LDB1: variants seen among roughly 807,000 people sequenced by gnomAD.
LDB1 encodes the protein LIM domain-binding protein 1.
In LDB1, 6 loss-of-function variants were observed where a neutral mutation model predicts 49.7. The ratio of observed to expected loss-of-function variants is 0.12; its 90% CI spans 0.07 to 0.24. LDB1 has a LOEUF of 0.24. Ranked by LOEUF, LDB1 falls within the 10% of genes least tolerant of loss-of-function variation. LDB1 has a pLI of 1.00. For synonymous variants in LDB1, 233 were observed against 202.0 expected (o/e 1.15, Z -1.30); for missense variants, 341 against 561.7 (o/e 0.61, Z 3.97).
At chr10:102,110,192 A>AC (rs1469487229) in intron 6 of LDB1, 149 bp from the exon 7 acceptor site, 1 of 846,870 alleles carries the variant, frequency 1.2e-6, no homozygotes, top group Non-Finnish European at 1.8e-6. Flanking sequence ...ATGTCACAGT[A>AC]CCCCCCACCC....
downstream of LDB1, among the ~76,000 whole-genome samples, chr10:102,105,559 C>T (rs1184550248): frequency 6.6e-6 from 1 of 152,012 alleles, no homozygotes; most frequent in Non-Finnish European, 1.5e-5. Context: ...AAGACCCCAT[C>T]TCCAATCTAC....
intron 1 of LDB1, chr10:102,114,705 T>C: frequency 3.7e-6 from 3 of 808,030 alleles, no homozygotes; most frequent in Non-Finnish European, 4.5e-6. Context: ...GAGCCTTCTT[T>C]GTTTGCAAGG....
intron 1 of LDB1, among the ~76,000 whole-genome samples, chr10:102,112,645 C>A (rs1036417348): frequency 6.6e-6 from 1 of 150,774 alleles, no homozygotes; most frequent in African/African-American, 2.4e-5. Flanking sequence ...AACCAGAAAC[C>A]CAAAGCCTCA....
chr10:102,110,797 A>G lies in LDB1; in HGVS notation c.352+72T>C, dbSNP rs976403198. On this transcript the variant is annotated intron_variant, in intron 5 of 10. Coordinates refer to ENST00000673968, the MANE Select transcript of LDB1 (RefSeq NM_001113407.3). ...AATCTAGATATCCCCTGGCACTCCC[A>G]GACCCACTTCTAGACCTTAGAACGA... 7 of 1,582,242 alleles carry G rather than the reference A, an allele frequency of 4.4e-6. No individual in the cohort carries two copies. In the Admixed American group the frequency reaches 6.7e-5, roughly 15 times the overall value.
chr10:102,110,128 A>C (rs1461281297), intron 6 of LDB1, 85 bp from the exon 7 acceptor site: 16 of 1,452,394 alleles, frequency 1.1e-5, no homozygotes, highest in Non-Finnish European at 9.4e-7. Flanking sequence ...ATTTGCTTAC[A>C]ACTCTCCCAT....
At position 102,109,678 on chromosome 10, in the gene LDB1, T is replaced by C. The variant is rs373832021; in HGVS notation, c.654A>G (p.Gln218=). 2 of 1,613,926 alleles carry C rather than the reference T, an allele frequency of 1.2e-6. No homozygotes were observed. Among genetic ancestry groups the C allele is most frequent in the Non-Finnish European group, 1.7e-6 (2 of 1,179,958 alleles). ...AGAGCTGATCCAACATCTGGGGGTC[T>C]TGGGCCTAGAGTGGGAGAAAAGACA... is the stretch of plus-strand genomic sequence containing the variant. ...IPRSILAMHA[Q]DPQMLDQLSK... is the part of the protein sequence containing the mutation. Residue 218 remains glutamine, a synonymous_variant, in exon 8 of 11, where the codon CAA becomes CAG. Transcript: ENST00000673968. The surrounding 1 kb of genome is among the most constrained non-coding windows in gnomAD (Gnocchi z 5.8).
At chr10:102,119,783 G>A (rs1394657633) in intron 1 of LDB1, among the ~76,000 whole-genome samples, 2 of 151,756 alleles carry the variant, frequency 1.3e-5, no homozygotes, top group African/African-American at 4.8e-5. Context: ...CTTCTGATTG[G>A]CTAACAACCT....
chr10:102,105,343 A>G (rs116796331), downstream of LDB1, among the ~76,000 whole-genome samples: 1,870 of 152,254 alleles, frequency 0.012, 29 homozygotes, highest in African/African-American at 0.043. Flanking sequence ...CACGGCCAAG[A>G]TAACTGTAGA....
chr10:102,106,441 G>A (rs979064580), downstream of LDB1, among the ~76,000 whole-genome samples: 15 of 147,256 alleles, frequency 1.0e-4, no homozygotes, highest in Admixed American at 1.0e-3. Flanking sequence ...GGAAAAGATT[G>A]CCTTGGACTG....
At chr10:102,105,218 G>A (rs530503411), downstream of LDB1, among the ~76,000 whole-genome samples, 21 of 152,198 alleles carry the variant, frequency 1.4e-4, no homozygotes, top group African/African-American at 5.1e-4. Context: ...GCAGTTGGCT[G>A]GTAAATGTCC....
downstream of LDB1, among the ~76,000 whole-genome samples, chr10:102,104,525 T>C (rs1590275476): frequency 6.6e-6 from 1 of 152,208 alleles, no homozygotes; most frequent in African/African-American, 2.4e-5. Context: ...CTCTCTTCCC[T>C]CACCCCAGTA....
downstream of LDB1, among the ~76,000 whole-genome samples, chr10:102,105,684 G>C (rs141638499): frequency 2.6e-5 from 4 of 151,810 alleles, no homozygotes; most frequent in African/African-American, 9.7e-5. Flanking sequence ...GCTGCTGACC[G>C]GGCAGAGTGG....
chr10:102,103,840 T>G (rs891108371), downstream of LDB1, among the ~76,000 whole-genome samples: 49 of 150,864 alleles, frequency 3.2e-4, no homozygotes, highest in African/African-American at 1.0e-3. Flanking sequence ...AGAGATGAGG[T>G]CTCACTATAT....
rs2068220919 is a variant in LDB1, at chr10:102,109,651, G to A, written c.681C>T (p.Ser227=). The change falls in exon 8 of 11, where the codon TCC becomes TCT. Residue 227 remains serine (S), a synonymous_variant. Transcript: ENST00000673968. The surrounding 1 kb of genome is among the most constrained non-coding windows in gnomAD (Gnocchi z 5.8). ...ACAGCCCACACCGAGTGATGTTTTTGGAGAGCTGATCCAACATCTGGGGGT... is the reference window on the plus strand; with the variant it reads ...ACAGCCCACACCGAGTGATGTTTTTAGAGAGCTGATCCAACATCTGGGGGT... The part of the protein sequence containing the change: ...AQDPQMLDQL[S]KNITRCGLSN... 1.9e-6 allele frequency: 3 copies of A among 1,613,974 alleles called. No individual in the cohort carries two copies. Among genetic ancestry groups the A allele is most frequent in the Admixed American group, 1.7e-5 (1 of 59,998 alleles).
intron 1 of LDB1, among the ~76,000 whole-genome samples, chr10:102,116,286 A>G (rs902993261): frequency 7.9e-5 from 12 of 152,122 alleles, no homozygotes; most frequent in Non-Finnish European, 1.3e-4. Context: ...GGTTCAAGCG[A>G]TTCTCCTGCC....
At chr10:102,120,434 C>T, upstream of LDB1, 1 of 977,184 alleles carries the variant, frequency 1.0e-6, no homozygotes, top group Non-Finnish European at 1.2e-6. Flanking sequence ...CGTCGCCGAG[C>T]GCCCCCCTCT....
At chr10:102,106,452 A>AG (rs1354620054), downstream of LDB1, among the ~76,000 whole-genome samples, 1 of 144,434 alleles carries the variant, frequency 6.9e-6, no homozygotes, top group African/African-American at 2.5e-5. Context: ...CCTTGGACTG[A>AG]GTCATTATTA....
In LDB1 at chr10:102,109,965, G is replaced by T; in HGVS notation, c.604C>A (p.Arg202=). 1 of 1,611,240 alleles carries T rather than the reference G, an allele frequency of 6.2e-7. No homozygotes were observed. Among genetic ancestry groups the T allele is most frequent in the Middle Eastern group, 1.7e-4 (1 of 6,058 alleles). The change falls in exon 7 of 11, where the codon CGG becomes AGG. Residue 202 remains arginine (R), a synonymous_variant. Transcript: ENST00000673968. The surrounding 1 kb of genome is among the most constrained non-coding windows in gnomAD (Gnocchi z 5.8). ...CGGGGGATGAGCTCTCGGTGCTGCC[G>T]GATGCTGAAGTGCCACGTCTTTATC... ...MRIKTWHFSI[R]QHRELIPRSI... is the part of the protein sequence containing the mutation.
chr10:102,105,234 G>C (rs956389500), downstream of LDB1, among the ~76,000 whole-genome samples: 2 of 152,022 alleles, frequency 1.3e-5, no homozygotes, highest in Admixed American at 1.3e-4. Context: ...TGTCCTTCAG[G>C]CTGGCCAGAT....
Sources: gnomAD v4.1 joint callset for allele counts (sites outside exome capture counted in the v4.1 genomes callset) on GRCh38, gnomAD v4.1.1 for gene constraint, Gnocchi (gnomAD v3.1) non-coding constraint, MANE v1.5 for transcripts, NCBI Gene and HGNC (gene_info 2026-07-23, HGNC 2026-07-21) for gene names.